Variants in SLC38A8 observed in about 807,000 individuals in gnomAD.
SLC38A8 encodes the protein amino acid transporter SLC38A8.
Under a neutral mutation model 46.0 loss-of-function variants are expected in SLC38A8, and 65 were observed. The observed-to-expected ratio is 1.41, with a 90% CI of 1.16 to 1.74. The LOEUF is 1.74. SLC38A8 is among the 40% of genes most tolerant of loss of function. SLC38A8 has a pLI of 0.00. For synonymous variants in SLC38A8, 447 were observed against 243.7 expected (o/e 1.83, Z -7.77); for missense variants, 998 against 567.9 (o/e 1.76, Z -7.70).
At chr16:84,018,836 G>C (rs1337966192) in intron 7 of SLC38A8, among the ~76,000 whole-genome samples, 5 of 152,188 alleles carry the variant, frequency 3.3e-5, no homozygotes, top group Admixed American at 6.5e-5. Flanking sequence ...GGTCGGGGCA[G>C]TGAATTTCTA....
chr16:84,021,907 G>C (rs1265862191), intron 7 of SLC38A8, among the ~76,000 whole-genome samples: 1 of 152,238 alleles, frequency 6.6e-6, no homozygotes, highest in African/African-American at 2.4e-5. Flanking sequence ...AGTGTCACAT[G>C]GCAAGGGGGC....
At chr16:84,012,896 T>A (rs2084970780) in intron 10 of SLC38A8, 105 bp downstream of exon 10, 1 of 1,273,744 alleles carries the variant, frequency 7.9e-7, no homozygotes, top group Non-Finnish European at 1.1e-6. Context: ...GTTTCTCACC[T>A]GCAGGATGCA....
At chr16:84,028,654 G>A (rs889458225) in intron 6 of SLC38A8, among the ~76,000 whole-genome samples, 4 of 151,150 alleles carry the variant, frequency 2.6e-5, no homozygotes, top group Admixed American at 6.6e-5. Context: ...CAGCCCAGAA[G>A]CAGAGGACTG....
intron 6 of SLC38A8, among the ~76,000 whole-genome samples, chr16:84,023,274 C>T (rs75494088): frequency 0.016 from 2,460 of 152,150 alleles, 75 homozygotes; most frequent in African/African-American, 0.055. Flanking sequence ...TTAGATTGTG[C>T]GGCCCAACCC....
intron 5 of SLC38A8, among the ~76,000 whole-genome samples, chr16:84,030,936 C>A (rs1037648781): frequency 6.6e-6 from 1 of 152,190 alleles, no homozygotes; most frequent in Non-Finnish European, 1.5e-5. Context: ...CTGAAGCCAC[C>A]AGGTCTGGGA....
intron 5 of SLC38A8, among the ~76,000 whole-genome samples, chr16:84,031,101 T>A (rs1235019522): frequency 6.6e-6 from 1 of 152,038 alleles, no homozygotes; most frequent in African/African-American, 2.4e-5. Context: ...AGTGCAGTGG[T>A]ATCATCTCGG....
chr16:84,028,196 C>T (rs2085189227), intron 6 of SLC38A8, among the ~76,000 whole-genome samples: 1 of 152,080 alleles, frequency 6.6e-6, no homozygotes, highest in African/African-American at 2.4e-5. Context: ...TCCCTGTGGA[C>T]TTGATTTTAC....
At chr16:84,024,956 C>T (rs1306667335) in intron 6 of SLC38A8, among the ~76,000 whole-genome samples, 1 of 152,176 alleles carries the variant, frequency 6.6e-6, no homozygotes, top group Non-Finnish European at 1.5e-5. Flanking sequence ...GCTGGGATTA[C>T]AGGCGTGAGC....
intron 2 of SLC38A8, among the ~76,000 whole-genome samples, chr16:84,037,284 G>A (rs1488879219): frequency 1.3e-5 from 2 of 152,212 alleles, no homozygotes; most frequent in Non-Finnish European, 2.9e-5. Context: ...AGGTGGAGCG[G>A]GCACAGCCGG....
Position 84,025,909 on chromosome 16 carries a change from G to A in SLC38A8, c.691-3020C>T, listed in dbSNP as rs533565303. Among the ~76,000 whole-genome samples the A allele has an allele frequency of 2.6e-5, 4 of 152,330 alleles. No individual in the cohort carries two copies. In the South Asian group the frequency reaches 6.2e-4, roughly 24 times the overall value. ...TACAGGAGGGCTCTGCCAGCAGGGGGGACGCAACCCCTCTGCCTCCTGCAC... is the reference window on the plus strand; with the variant it reads ...TACAGGAGGGCTCTGCCAGCAGGGGAGACGCAACCCCTCTGCCTCCTGCAC... On this transcript the variant is annotated intron_variant, in intron 6 of 10. Coordinates refer to ENST00000299709, the MANE Select transcript of SLC38A8 (RefSeq NM_001080442.3).
chr16:84,039,152 C>T (rs1401738108), intron 2 of SLC38A8, among the ~76,000 whole-genome samples: 1 of 152,124 alleles, frequency 6.6e-6, no homozygotes, highest in Non-Finnish European at 1.5e-5. Context: ...CACCTGGAGC[C>T]ACCAGGAGCT....
At chr16:84,039,101 G>A (rs1351582723) in intron 2 of SLC38A8, among the ~76,000 whole-genome samples, 1 of 152,170 alleles carries the variant, frequency 6.6e-6, no homozygotes, top group Non-Finnish European at 1.5e-5. Flanking sequence ...CAGAAGGGAA[G>A]GAGGCAGAGA....
chr16:84,034,676 G>T (rs532134116), intron 3 of SLC38A8, among the ~76,000 whole-genome samples: 3 of 152,360 alleles, frequency 2.0e-5, no homozygotes, highest in African/African-American at 7.2e-5. Context: ...CGTACGAAAT[G>T]ATGAAGGGGA....
chr16:84,016,577 G>A lies in SLC38A8; in HGVS notation c.1104C>T (p.Leu368=). The A allele has an allele frequency of 6.2e-7, 1 of 1,614,090 alleles. No individual in the cohort carries two copies. The highest frequency in any genetic ancestry group is 8.5e-7 in the Non-Finnish European group (1 of 1,180,028). ...TLAMALFMPD[L]SEIVSIIGGI... ...CTCCGATGATGCTGACGATCTCGCT[G>A]AGGTCAGGCATAAACAGCGCCATGG... Residue 368 remains leucine, a synonymous_variant, in exon 9 of 11, where the codon CTC becomes CTT. Coordinates refer to ENST00000299709, the MANE Select transcript of SLC38A8 (RefSeq NM_001080442.3).
At position 84,042,110 on chromosome 16, in the gene SLC38A8, G is replaced by T; in HGVS notation, c.48C>A (p.His16Gln). The change falls in exon 2 of 11, where the codon CAC becomes CAA. Residue 16 changes from histidine to glutamine, a missense_variant. Physicochemically the swap from His to Gln is conservative, Grantham distance 24. Coordinates refer to ENST00000299709, the MANE Select transcript of SLC38A8 (RefSeq NM_001080442.3). ...ACAGAGTGGCAGCAGCCGTGGCAGG[G>T]TGAGGCTTTTCTGGAAGGCCCCTGC... ...PGSRGLPEKP[H>Q]PATAAATLSS... 6.2e-7 allele frequency: 1 copy of T among 1,613,936 alleles called. No individual in the cohort carries two copies. Among genetic ancestry groups the T allele is most frequent in the Non-Finnish European group, 8.5e-7 (1 of 1,179,962 alleles).
At chr16:84,023,356 G>C (rs141714575) in intron 6 of SLC38A8, among the ~76,000 whole-genome samples, 338 of 152,224 alleles carry the variant, frequency 2.2e-3, no homozygotes, top group Middle Eastern at 0.01. Context: ...CTTTGCTCGG[G>C]TGTGCTCTGA....
chr16:84,027,919 C>G (rs754400987), intron 6 of SLC38A8, among the ~76,000 whole-genome samples: 2 of 152,222 alleles, frequency 1.3e-5, no homozygotes, highest in African/African-American at 2.4e-5. Context: ...GCAAAATCAG[C>G]TCTTCAGATC....
chr16:84,019,480 C>T (rs2085070916), intron 7 of SLC38A8, among the ~76,000 whole-genome samples: 1 of 152,226 alleles, frequency 6.6e-6, no homozygotes, highest in Non-Finnish European at 1.5e-5. Flanking sequence ...TATGAGAGCG[C>T]TGCTCTCGAC....
At chr16:84,011,647 T>A (rs191215148) in intron 10 of SLC38A8, among the ~76,000 whole-genome samples, 34 of 152,300 alleles carry the variant, frequency 2.2e-4, no homozygotes, top group African/African-American at 8.2e-4. Context: ...GTTTTGCAGA[T>A]GTAATTAAGG....
Sources: gnomAD v4.1 joint callset for allele counts (sites outside exome capture counted in the v4.1 genomes callset) on GRCh38, gnomAD v4.1.1 for gene constraint, MANE v1.5 for transcripts, NCBI Gene and HGNC (gene_info 2026-07-23, HGNC 2026-07-21) for gene names.